GRID2: variants seen among roughly 807,000 people sequenced by gnomAD.
GRID2 encodes glutamate ionotropic receptor delta type subunit 2, also known as glutamate receptor ionotropic, delta-2.
Under a neutral mutation model 114.8 loss-of-function variants are expected in GRID2, and 33 were observed. The ratio of observed to expected loss-of-function variants is 0.29; its 90% confidence interval spans 0.22 to 0.38. The LOEUF is 0.38. GRID2 is among the 10% of genes least tolerant of loss of function. GRID2 has a pLI of 1.00. For synonymous variants in GRID2, 505 were observed against 449.9 expected (o/e 1.12, Z -1.55); for missense variants, 1,184 against 1,257.7 (o/e 0.94, Z 0.89).
chr4:92,561,631 C>T (rs376834684), intron 1 of GRID2, among the ~76,000 whole-genome samples: 6 of 152,200 alleles, frequency 3.9e-5, no homozygotes, highest in African/African-American at 1.4e-4. Context: ...ATTATTTCTG[C>T]CTGAGTAAAG....
At chr4:93,685,137 A>G (rs1221381525) in intron 14 of GRID2, among the ~76,000 whole-genome samples, 1 of 152,048 alleles carries the variant, frequency 6.6e-6, no homozygotes, top group African/African-American at 2.4e-5. Flanking sequence ...ACTCTGCCCA[A>G]ATAATCCAAT....
chr4:92,332,875 G>T (rs1203953955), intron 1 of GRID2, among the ~76,000 whole-genome samples: 1 of 152,206 alleles, frequency 6.6e-6, no homozygotes, highest in Non-Finnish European at 1.5e-5. Flanking sequence ...CTGGGGTGGG[G>T]TTGGCCCTTA....
chr4:93,247,904 T>A (rs1204762194), intron 8 of GRID2, among the ~76,000 whole-genome samples: 2 of 152,098 alleles, frequency 1.3e-5, no homozygotes, highest in East Asian at 1.9e-4. Context: ...ATGAATATGC[T>A]CATAAAGAGA....
At chr4:93,260,289 TATA>T (rs1459962788) in intron 8 of GRID2, among the ~76,000 whole-genome samples, 4 of 151,540 alleles carry the variant, frequency 2.6e-5, no homozygotes, top group Non-Finnish European at 5.9e-5. Context: ...ATGTTATCTT[TATA>T]AGAAAAAATA....
At chr4:93,514,316 G>T (rs1729479333) in intron 12 of GRID2, among the ~76,000 whole-genome samples, 1 of 151,842 alleles carries the variant, frequency 6.6e-6, no homozygotes, top group Non-Finnish European at 1.5e-5. Context: ...TAACATAAAA[G>T]ATTGACTTAA....
At chr4:92,558,657 G>A (rs1726976524) in intron 1 of GRID2, among the ~76,000 whole-genome samples, 1 of 151,810 alleles carries the variant, frequency 6.6e-6, no homozygotes, top group South Asian at 2.1e-4. Context: ...TTGTTTTGTT[G>A]TGCTTTTATC....
At chr4:92,638,102 G>A (rs2149251111) in intron 2 of GRID2, among the ~76,000 whole-genome samples, 1 of 151,922 alleles carries the variant, frequency 6.6e-6, no homozygotes, top group East Asian at 1.9e-4. Context: ...AATGCTTAGT[G>A]TCAGTCATTT....
At chr4:93,551,423 G>C (rs1360116703) in intron 13 of GRID2, among the ~76,000 whole-genome samples, 2 of 152,114 alleles carry the variant, frequency 1.3e-5, no homozygotes, top group Non-Finnish European at 2.9e-5. Context: ...CCCAGAAGAG[G>C]GAAAGGCTAG....
intron 4 of GRID2, among the ~76,000 whole-genome samples, chr4:93,122,901 T>TTGTTTG: frequency 6.7e-6 from 1 of 148,626 alleles, no homozygotes; most frequent in African/African-American, 2.5e-5. Context: ...TTTTTTTTTT[T>TTGTTTG]TTTTTTTTTT....
At chr4:92,754,716 A>G (rs141776968) in intron 2 of GRID2, among the ~76,000 whole-genome samples, 7 of 152,318 alleles carry the variant, frequency 4.6e-5, no homozygotes, top group African/African-American at 1.7e-4. Context: ...TGGTATTTCA[A>G]TATCCAGACT....
chr4:92,340,289 C>T (rs17019321), intron 1 of GRID2, among the ~76,000 whole-genome samples: 4,720 of 152,202 alleles, frequency 0.031, 237 homozygotes, highest in African/African-American at 0.11. Context: ...AAACCAAAAA[C>T]GAGGTCTTAT....
intron 13 of GRID2, among the ~76,000 whole-genome samples, chr4:93,566,762 TG>T (rs1183124770): frequency 1.3e-5 from 2 of 151,870 alleles, no homozygotes; most frequent in Non-Finnish European, 2.9e-5. Context: ...AGTGCCAGAC[TG>T]TCTCAAAAAC....
At chr4:93,570,644 T>C (rs1027830355) in intron 13 of GRID2, among the ~76,000 whole-genome samples, 2 of 152,180 alleles carry the variant, frequency 1.3e-5, no homozygotes, top group African/African-American at 4.8e-5. Context: ...AGAACATCAC[T>C]GCGTACTCTA....
intron 2 of GRID2, among the ~76,000 whole-genome samples, chr4:92,851,320 G>A (rs1743771611): frequency 6.6e-6 from 1 of 151,796 alleles, no homozygotes; most frequent in African/African-American, 2.4e-5. Flanking sequence ...ATGGTAATTT[G>A]ACCATTTCTA....
chr4:93,488,743 A>G (rs920988172), intron 11 of GRID2, among the ~76,000 whole-genome samples: 6 of 151,976 alleles, frequency 3.9e-5, no homozygotes, highest in Non-Finnish European at 8.8e-5. Context: ...GGTGTCAGCC[A>G]GTTTGGTGCC....
At chr4:93,538,368 A>G (rs1445456777) in intron 13 of GRID2, among the ~76,000 whole-genome samples, 2 of 151,840 alleles carry the variant, frequency 1.3e-5, no homozygotes, top group African/African-American at 4.8e-5. Context: ...AACTCTAAAT[A>G]TACAAGTTCA....
chr4:92,942,060 A>G (rs1751185434), intron 2 of GRID2, among the ~76,000 whole-genome samples: 3 of 152,092 alleles, frequency 2.0e-5, no homozygotes, highest in Admixed American at 2.0e-4. Flanking sequence ...TTTGGGGTGG[A>G]GCGTTCTGTA....
intron 11 of GRID2, among the ~76,000 whole-genome samples, chr4:93,459,169 A>G (rs1266952341): frequency 7.7e-6 from 1 of 130,166 alleles, no homozygotes; most frequent in Non-Finnish European, 1.6e-5. Flanking sequence ...GACAAGAGTG[A>G]AACTCCATCT....
At chr4:92,887,491 G>C (rs1437261861) in intron 2 of GRID2, among the ~76,000 whole-genome samples, 1 of 152,112 alleles carries the variant, frequency 6.6e-6, no homozygotes, top group East Asian at 1.9e-4. Flanking sequence ...CATGTTCATT[G>C]TGTCACTCAT....
Sources: gnomAD v4.1 joint callset for allele counts (sites outside exome capture counted in the v4.1 genomes callset) on GRCh38, gnomAD v4.1.1 for gene constraint, MANE v1.5 for transcripts, NCBI Gene and HGNC (gene_info 2026-07-23, HGNC 2026-07-21) for gene names.